AGXT2: variants seen among roughly 807,000 people sequenced by gnomAD.
The protein encoded by AGXT2 is alanine--glyoxylate aminotransferase 2.
In AGXT2, 61 loss-of-function variants were observed where a neutral mutation model predicts 62.5. That is an observed-to-expected ratio of 0.98 (90% CI 0.79 to 1.21). AGXT2 has a LOEUF of 1.21. Among genes scored for constraint, AGXT2 ranks in the 50% most tolerant of loss-of-function variants. The pLI, the probability that AGXT2 is intolerant of heterozygous loss-of-function variation, is 0.00. For synonymous variants in AGXT2, 243 were observed against 218.7 expected (o/e 1.11, Z -0.98); for missense variants, 666 against 641.5 (o/e 1.04, Z -0.41).
chr5:35,016,782 A>G (rs919293679), intron 9 of AGXT2, among the ~76,000 whole-genome samples: 5 of 152,082 alleles, frequency 3.3e-5, no homozygotes, highest in Admixed American at 3.3e-4. Flanking sequence ...AAAACCATAA[A>G]CCATGTTTAG....
chr5:35,020,502 G>A (rs1767027267), intron 9 of AGXT2, among the ~76,000 whole-genome samples: 1 of 152,076 alleles, frequency 6.6e-6, no homozygotes, highest in Admixed American at 6.6e-5. Context: ...ATGCAGAAAA[G>A]GCCTTTGACA....
chr5:35,028,592 A>AGAGAGAGG (rs1561226738), intron 7 of AGXT2, among the ~76,000 whole-genome samples: 1 of 150,172 alleles, frequency 6.7e-6, no homozygotes, highest in African/African-American at 2.5e-5. Flanking sequence ...AGAGAGAGAG[A>AGAGAGAGG]GAGAGAGAGA....
intron 3 of AGXT2, among the ~76,000 whole-genome samples, chr5:35,038,319 C>T (rs6892674): frequency 0.52 from 78,577 of 152,024 alleles, 21,154 homozygotes; most frequent in Middle Eastern, 0.6. Flanking sequence ...AAAAGATGGC[C>T]TCCCATTTCC....
chr5:35,030,303 T>C (rs1302367068), intron 7 of AGXT2, among the ~76,000 whole-genome samples: 1 of 151,794 alleles, frequency 6.6e-6, no homozygotes, highest in Non-Finnish European at 1.5e-5. Flanking sequence ...AAGTCAGGAG[T>C]TCGAGACCAG....
chr5:35,035,194 A>G (rs369138971), intron 5 of AGXT2, 28 bp downstream of exon 5: 11 of 1,588,288 alleles, frequency 6.9e-6, no homozygotes, highest in East Asian at 2.2e-5. Context: ...CAGTGTTCCT[A>G]AAGTTGAATA....
At chr5:35,047,575 G>C (rs1466311501) in intron 1 of AGXT2, among the ~76,000 whole-genome samples, 1 of 152,116 alleles carries the variant, frequency 6.6e-6, no homozygotes, top group Non-Finnish European at 1.5e-5. Context: ...GTATAGTCGG[G>C]TTTCATTATC....
chr5:35,033,938 C>T (rs2112267879), intron 5 of AGXT2, among the ~76,000 whole-genome samples: 1 of 152,200 alleles, frequency 6.6e-6, no homozygotes, highest in Admixed American at 6.5e-5. Context: ...CTATGATATA[C>T]CTGTTGTTCA....
At chr5:35,020,951 C>G (rs1386570453) in intron 9 of AGXT2, among the ~76,000 whole-genome samples, 1 of 152,160 alleles carries the variant, frequency 6.6e-6, no homozygotes, top group East Asian at 1.9e-4. Context: ...AGAGCCAAAT[C>G]ATGAGTGAAT....
intron 1 of AGXT2, 86 bp from the exon 2 acceptor site, chr5:35,040,749 G>T (rs1579513934): frequency 2.0e-6 from 2 of 1,017,962 alleles, no homozygotes; most frequent in East Asian, 4.8e-5. Flanking sequence ...AAATAAAACT[G>T]CTTAGATAAT....
intron 9 of AGXT2, among the ~76,000 whole-genome samples, chr5:35,017,243 G>A (rs1766876632): frequency 2.0e-5 from 3 of 152,174 alleles, no homozygotes; most frequent in Non-Finnish European, 2.9e-5. Flanking sequence ...TTGGGAGCCT[G>A]AGTTTGAGTC....
intron 12 of AGXT2, among the ~76,000 whole-genome samples, chr5:35,004,389 C>G (rs375575152): frequency 2.0e-4 from 31 of 152,260 alleles, no homozygotes; most frequent in Middle Eastern, 3.4e-3. Flanking sequence ...AGGACTTGCT[C>G]TTTCTCCCCC....
chr5:35,033,318 C>G, intron 6 of AGXT2, 142 bp downstream of exon 6: 2 of 717,774 alleles, frequency 2.8e-6, no homozygotes. Context: ...CAAGTGGTCT[C>G]CAATTCAATT....
intron 7 of AGXT2, among the ~76,000 whole-genome samples, chr5:35,030,447 G>A (rs559006412): frequency 2.6e-5 from 4 of 152,306 alleles, no homozygotes; most frequent in Admixed American, 2.0e-4. Flanking sequence ...GGCGGAGGTT[G>A]CAGTGAGCCG....
At chr5:35,037,586 G>T (rs1056294250) in intron 3 of AGXT2, among the ~76,000 whole-genome samples, 44 of 144,256 alleles carry the variant, frequency 3.1e-4, no homozygotes, top group Admixed American at 3.0e-3. Context: ...GTGTTGCCTA[G>T]GCTGGAGGGC....
intron 12 of AGXT2, among the ~76,000 whole-genome samples, chr5:35,009,656 T>C (rs886573577): frequency 2.0e-5 from 3 of 152,144 alleles, no homozygotes; most frequent in Non-Finnish European, 4.4e-5. Context: ...ACCATAACAT[T>C]TTCCTGGCCC....
rs1286089642 is a variant in AGXT2, at chr5:35,038,075, T to A, written c.363-1010A>T. ...TATACAGATTTCTTTACTACAGACA[T>A]TTTAGTACCTATAATAGACTAGTGT... On this transcript the variant is annotated intron_variant, in intron 3 of 13. Coordinates refer to ENST00000231420, the MANE Select transcript of AGXT2 (RefSeq NM_031900.4). Among the ~76,000 whole-genome samples the A allele has an allele frequency of 2.6e-5, 4 of 152,242 alleles. No individual in the cohort carries two copies. In the East Asian group the frequency reaches 5.8e-4, roughly 22 times the overall value.
At chr5:35,034,347 A>G (rs1205735774) in intron 5 of AGXT2, among the ~76,000 whole-genome samples, 1 of 152,188 alleles carries the variant, frequency 6.6e-6, no homozygotes, top group Non-Finnish European at 1.5e-5. Context: ...TAGGTAATAC[A>G]TCAATCACAA....
At position 35,013,157 on chromosome 5, in the gene AGXT2, T is replaced by C. The variant is rs1580578159; in HGVS notation, c.1097-112A>G. 1.2e-5 allele frequency: 11 copies of C among 908,732 alleles called. No homozygotes were observed. In the East Asian group the frequency reaches 2.6e-4, roughly 22 times the overall value. 56.3% of individuals were successfully genotyped at this position (908,732 alleles called of 1,614,324 possible). ...GTGTTGTAAATGGCATCCAATCCAATTCATCCTTCATTCAACTGATAGTAG... is the reference window on the plus strand; with the variant it reads ...GTGTTGTAAATGGCATCCAATCCAACTCATCCTTCATTCAACTGATAGTAG... On this transcript the variant is annotated intron_variant, in intron 10 of 13. Transcript: ENST00000231420.
intron 12 of AGXT2, among the ~76,000 whole-genome samples, chr5:35,009,069 C>G (rs1017704561): frequency 6.6e-6 from 1 of 152,074 alleles, no homozygotes; most frequent in African/African-American, 2.4e-5. Context: ...GCTATTGAGG[C>G]TGAGTAATTG....
Sources: gnomAD v4.1 joint callset for allele counts (sites outside exome capture counted in the v4.1 genomes callset) on GRCh38, gnomAD v4.1.1 for gene constraint, MANE v1.5 for transcripts, NCBI Gene and HGNC (gene_info 2026-07-23, HGNC 2026-07-21) for gene names.